Variants in MUC4 observed in about 807,000 individuals in gnomAD.
MUC4 encodes the protein mucin 4, cell surface associated.
In MUC4, 202 loss-of-function variants were observed where a neutral mutation model predicts 257.9. That is an observed-to-expected ratio of 0.78 (90% CI 0.70 to 0.88). The LOEUF is 0.88. Among genes scored for constraint, MUC4 ranks in the 40% least tolerant of loss-of-function variants. The probability of loss-of-function intolerance (pLI) is 0.00; values close to 1 mark genes in which losing one functional copy is unlikely to be tolerated. For synonymous variants in MUC4, 2,351 were observed against 2,757.1 expected, an observed-to-expected ratio of 0.85 and a Z score of 4.62; for missense variants, 5,976 against 6,513.7, an observed-to-expected ratio of 0.92 and a Z score of 2.84.
chr3:195,788,844 C>T lies in MUC4; in HGVS notation c.2736G>A (p.Arg912=), dbSNP rs1403445986. The T allele has an allele frequency of 4.3e-6, 7 of 1,613,864 alleles. No homozygotes were observed. In the South Asian group the frequency reaches 4.4e-5, roughly 10 times the overall value. The change falls in exon 2 of 25, where the codon AGG becomes AGA. Residue 912 remains arginine (R), a synonymous_variant. Transcript: ENST00000463781. ...TGTCAGACCCTCTGCTGGTTCTTGT[C>T]CTCTGAGTCTGGGCCATCCGGGAAA... ...AAISRMAQTQ[R]TRTSRGSDTI...
chr3:195,787,388 G>A lies in MUC4; in HGVS notation c.4192C>T (p.Pro1398Ser). The change falls in exon 2 of 25, where the codon CCT (proline) becomes TCT (serine). Residue 1398 changes from proline (P) to serine (S), a missense_variant. Pro to Ser is a moderately conservative substitution (Grantham distance 74). This residue lies in a region of MUC4 where 58 missense variants were observed against 65.4 expected (regional missense o/e 0.89). Transcript: ENST00000463781. ...GDTTPLPVTS[P>S]SSASTGHATP... ...GCGTGACCTGTGGATGCTGAGGAAG[G>A]GCTAGTGACAGGAAGAGGCGTGGTG... 2.9e-6 allele frequency: 2 copies of A among 697,072 alleles called. 1 individual carries two copies. Among genetic ancestry groups the A allele is most frequent in the Non-Finnish European group, 4.1e-6 (2 of 485,890 alleles). The allele number at this position is 697,072 out of a possible 1,614,324, so 43.2% of individuals were successfully genotyped here.
chr3:195,769,267 G>A (rs1722286373), intron 6 of MUC4, 115 bp from the exon 7 acceptor site: 1 of 1,437,140 alleles, frequency 7.0e-7, no homozygotes. Flanking sequence ...ACCTGTTCCT[G>A]GTCTGCCCAC....
At chr3:195,796,567 T>C (rs1178425061) in intron 1 of MUC4, among the ~76,000 whole-genome samples, 1 of 151,982 alleles carries the variant, frequency 6.6e-6, no homozygotes, top group East Asian at 2.0e-4. Flanking sequence ...GGCAGGCGCC[T>C]GTAGTCCCAG....
rs1435419491 is a variant in MUC4, at chr3:195,783,547, G to C, written c.8033C>G (p.Pro2678Arg). Residue 2678 changes from proline to arginine, a missense_variant, in exon 2 of 25, where the codon CCT becomes CGT. Around this residue, in one of 44 missense-constraint regions of MUC4, gnomAD observed 75 missense variants for 58.7 expected, o/e 1.28. Transcript: ENST00000463781. ...GGCATGACCGGTGGATGCTGAGGAA[G>C]GGCTAGTGACAGGAAGAGGCGTGGT... ...GDTTPLPVTS[P>R]SSASTGHATS... is the part of the protein sequence containing the mutation. 4.0e-5 allele frequency: 14 copies of C among 352,164 alleles called. 2 individuals are homozygous for C. In the East Asian group the frequency reaches 4.2e-4, roughly 11 times the overall value. The allele number at this position is 352,164 out of a possible 1,614,324, so 21.8% of individuals were successfully genotyped here. A position where few individuals can be genotyped will look rare whatever the true frequency, so the allele number is the denominator to read the frequency against.
intron 5 of MUC4, 38 bp from the exon 6 acceptor site, chr3:195,770,409 G>T: frequency 6.2e-7 from 1 of 1,611,156 alleles, no homozygotes; most frequent in Non-Finnish European, 8.5e-7. Flanking sequence ...GCCAACGAGG[G>T]TCCCACTCCT....
intron 7 of MUC4, among the ~76,000 whole-genome samples, chr3:195,767,576 C>T (rs112845197): frequency 0.023 from 1,054 of 45,014 alleles, 19 homozygotes; most frequent in East Asian, 0.04. Context: ...ACCACCATCA[C>T]CACCACCATC....
chr3:195,751,369 T>C (rs2148754696), intron 21 of MUC4, 98 bp from the exon 22 acceptor site: 1 of 956,486 alleles, frequency 1.0e-6, no homozygotes, highest in South Asian at 1.4e-5. Context: ...TGTTTCCTCC[T>C]GGAACGGGAG....
At chr3:195,750,302 G>C (rs371190547) in intron 23 of MUC4, 17 of 153,462 alleles carry the variant, frequency 1.1e-4, no homozygotes, top group Admixed American at 9.1e-4. Flanking sequence ...CTGGCCTGGG[G>C]AAGGTGCTTG....
rs536238818 is a variant in MUC4 at position 195,783,242 on chromosome 3, C to T, written c.8338G>A (p.Gly2780Ser). ...PVTNTSSVST[G>S]HATPLHVTSP... ...GTGACATGAAGAGGGGTGGCGTGACCTGTGGATACTGAGGAAGTGTTGGTG... is the reference window on the plus strand; with the variant it reads ...GTGACATGAAGAGGGGTGGCGTGACTTGTGGATACTGAGGAAGTGTTGGTG... The change falls in exon 2 of 25, where the codon GGT becomes AGT. Residue 2780 changes from glycine (G) to serine (S), a missense_variant. Physicochemically the swap from Gly to Ser is moderately conservative, Grantham distance 56. Coordinates refer to ENST00000463781, the MANE Select transcript of MUC4 (RefSeq NM_018406.7). 165 of 1,463,752 alleles carry T rather than the reference C, an allele frequency of 1.1e-4. 4 individuals carry two copies. The South Asian group carries it at 1.8e-3, about 16-fold the overall frequency. 90.7% of individuals were successfully genotyped at this position (1,463,752 alleles called of 1,614,324 possible). A position where few individuals can be genotyped will look rare whatever the true frequency, so the allele number is the denominator to read the frequency against.
intron 18 of MUC4, among the ~76,000 whole-genome samples, chr3:195,754,801 T>A (rs903129947): frequency 6.6e-6 from 1 of 152,048 alleles, no homozygotes; most frequent in Non-Finnish European, 1.5e-5. Context: ...CATGCATGTA[T>A]GCATGTATGT....
rs1726808945 is a variant in MUC4 at position 195,780,220 on chromosome 3, G to C, written c.11360C>G (p.Thr3787Arg). ...GACAGGAAGAGGGGTGGTGTCACCT[G>C]TGGATGCTGAGGAAGCGTCGGTGAC... ...LPVTDASSAS[T>R]GDTTPLPVTD... Residue 3787 changes from threonine to arginine, a missense_variant, in exon 2 of 25, where the codon ACA becomes AGA. Thr to Arg is a moderately conservative substitution (Grantham distance 71, BLOSUM62 -1). Coordinates refer to ENST00000463781, the MANE Select transcript of MUC4 (RefSeq NM_018406.7). The C allele has an allele frequency of 8.1e-6, 12 of 1,479,216 alleles. 1 individual carries two copies. Among genetic ancestry groups the C allele is most frequent in the South Asian group, 6.1e-5 (5 of 81,918 alleles). 91.6% of individuals were successfully genotyped at this position (1,479,216 alleles called of 1,614,324 possible). A position where few individuals can be genotyped will look rare whatever the true frequency, so the allele number is the denominator to read the frequency against.
At chr3:195,756,362 C>T (rs889156666) in intron 18 of MUC4, among the ~76,000 whole-genome samples, 1 of 152,244 alleles carries the variant, frequency 6.6e-6, no homozygotes, top group Non-Finnish European at 1.5e-5. Flanking sequence ...CCACCCCACA[C>T]CGCAGGGCCC....
In MUC4 at chr3:195,774,163, C is replaced by T. The variant is rs367555516; in HGVS notation, c.13077+9G>A. On this transcript the variant is annotated intron_variant, in intron 4 of 24. Transcript: ENST00000463781. ...AGTTCAGGCTGCGCGGGCCGCAGCC[C>T]GGACTCACGTAGAGGGAATCACGGA... 2.1e-5 allele frequency: 33 copies of T among 1,600,582 alleles called. No individual in the cohort carries two copies. Among genetic ancestry groups the T allele is most frequent in the African/African-American group, 1.2e-4 (9 of 73,728 alleles).
Position 195,791,180 on chromosome 3 carries a change from T to C in MUC4, c.400A>G (p.Thr134Ala), listed in dbSNP as rs1357434611. Residue 134 changes from threonine to alanine, a missense_variant, in exon 2 of 25, where the codon ACA becomes GCA. Around this residue, in one of 44 missense-constraint regions of MUC4, gnomAD observed 1,583 missense variants for 1,257.4 expected, o/e 1.26. Coordinates refer to ENST00000463781, the MANE Select transcript of MUC4 (RefSeq NM_018406.7). ...PSSVTNTLMM[T>A]SKTITMTTST... is the part of the protein sequence containing the mutation. ...GTTGTCATTGTTATAGTCTTTGATG[T>C]CATCATGAGTGTGTTGGTGACACTG... 1.2e-6 allele frequency: 2 copies of C among 1,614,046 alleles called. No individual in the cohort carries two copies. The highest frequency in any genetic ancestry group is 1.7e-5 in the Admixed American group (1 of 60,014).
intron 6 of MUC4, 93 bp downstream of exon 6, chr3:195,770,123 C>A: frequency 7.8e-7 from 1 of 1,281,408 alleles, no homozygotes. Context: ...TTTCCTAGAG[C>A]CAGAGAGGAT....
intron 1 of MUC4, among the ~76,000 whole-genome samples, chr3:195,802,376 G>A (rs1394699563): frequency 6.0e-5 from 2 of 33,406 alleles, no homozygotes; most frequent in Admixed American, 2.5e-4. Flanking sequence ...CTGCTGACTC[G>A]GGTTCCGCAC....
In MUC4 at chr3:195,768,922, G is replaced by C. The variant is rs1345815606; in HGVS notation, c.13529+100C>G. On this transcript the variant is annotated intron_variant, in intron 7 of 24. Transcript: ENST00000463781. ...TGAGTCAGAAGCACCAGCCAGGAGG[G>C]TTCCCGCCTTGCCCCAGGATGGGAG... is the stretch of plus-strand genomic sequence containing the variant. The C allele has an allele frequency of 4.1e-6, 6 of 1,456,512 alleles. No individual in the cohort carries two copies. The African/African-American group carries it at 7.0e-5, about 17-fold the overall frequency. The allele number at this position is 1,456,512 out of a possible 1,614,324, so 90.2% of individuals were successfully genotyped here. A position where few individuals can be genotyped will look rare whatever the true frequency, so the allele number is the denominator to read the frequency against.
chr3:195,801,884 G>A (rs1374520609), intron 1 of MUC4, among the ~76,000 whole-genome samples: 3 of 151,802 alleles, frequency 2.0e-5, no homozygotes, highest in East Asian at 3.9e-4. Context: ...TGAAGCTGAC[G>A]GGTCCTGCTC....
chr3:195,748,078 G>T (rs1371529071), intron 24 of MUC4, among the ~76,000 whole-genome samples: 4 of 152,252 alleles, frequency 2.6e-5, no homozygotes, highest in Admixed American at 2.0e-4. Flanking sequence ...CTGGCGGAGG[G>T]CCCGGAGCCC....
Sources: gnomAD v4.1 joint callset for allele counts (sites outside exome capture counted in the v4.1 genomes callset) on GRCh38, gnomAD v4.1.1 for gene constraint, gnomAD v4.1.1 regional missense constraint, MANE v1.5 for transcripts, NCBI Gene and HGNC (gene_info 2026-07-23, HGNC 2026-07-21) for gene names.